SYTL5: variants seen among roughly 807,000 people sequenced by gnomAD.
The protein encoded by SYTL5 is synaptotagmin like 5.
In SYTL5, 34 loss-of-function variants were observed where a neutral mutation model predicts 55.9. The observed-to-expected ratio is 0.61, with a 90% CI of 0.46 to 0.81. The LOEUF (loss-of-function observed/expected upper bound fraction) is 0.81. Ranked by LOEUF, SYTL5 falls within the 30% of genes least tolerant of loss-of-function variation. The probability of loss-of-function intolerance (pLI) is 0.00; values close to 1 mark genes in which losing one functional copy is unlikely to be tolerated. For synonymous variants in SYTL5, 221 were observed against 188.7 expected (o/e 1.17, Z -1.40); for missense variants, 637 against 546.7 (o/e 1.17, Z -1.65).
intron 2 of SYTL5, among the ~76,000 whole-genome samples, chrX:38,035,768 G>A (rs1935086867): frequency 9.2e-6 from 1 of 109,097 alleles, no homozygotes; most frequent in Admixed American, 9.8e-5. Flanking sequence ...GGTGGTGCAC[G>A]CCTGTAGTCC....
the SYTL5 span, among the ~76,000 whole-genome samples, chrX:37,962,473 T>C: frequency 2.7e-5 from 3 of 112,255 alleles, no homozygotes; most frequent in Non-Finnish European, 5.6e-5. Context: ...CAGTCTATCA[T>C]TGATGGACAT....
chrX:38,020,893 A>G (rs1465626651), intron 1 of SYTL5, among the ~76,000 whole-genome samples: 1 of 112,028 alleles, frequency 8.9e-6, no homozygotes, highest in Non-Finnish European at 1.9e-5. Flanking sequence ...CCCATTTAAC[A>G]GATGAATAAA....
chrX:38,113,245 A>C (rs903422870), intron 13 of SYTL5, among the ~76,000 whole-genome samples: 2 of 112,405 alleles, frequency 1.8e-5, no homozygotes, highest in East Asian at 2.8e-4. Context: ...AGGTTTTATC[A>C]GTATGAATTG....
At chrX:38,120,270 C>T (rs1937555402) in intron 13 of SYTL5, 88 bp from the exon 14 acceptor site, 1 of 630,361 alleles carries the variant, frequency 1.6e-6, no homozygotes, top group Admixed American at 2.4e-5. Context: ...ATTTATGCCA[C>T]TAAGTAAATA....
intron 1 of SYTL5, among the ~76,000 whole-genome samples, chrX:38,007,608 A>G (rs770905042): frequency 4.5e-5 from 5 of 111,703 alleles, no homozygotes; most frequent in African/African-American, 1.6e-4. Context: ...AGTATTTTAA[A>G]CACAGGAATT....
chrX:38,101,964 AGT>A (rs200016789), intron 9 of SYTL5, among the ~76,000 whole-genome samples: 139 of 109,007 alleles, frequency 1.3e-3, no homozygotes, highest in Middle Eastern at 4.6e-3. Flanking sequence ...CCATCTTGGC[AGT>A]GTGTGTGTGT....
chrX:38,013,220 C>A (rs1934243510), intron 1 of SYTL5, among the ~76,000 whole-genome samples: 1 of 112,416 alleles, frequency 8.9e-6, no homozygotes, highest in South Asian at 3.7e-4. Flanking sequence ...ACACAACAAC[C>A]AAACAGCTAT....
At chrX:37,911,023 C>T in the SYTL5 span, among the ~76,000 whole-genome samples, 9 of 95,837 alleles carry the variant, frequency 9.4e-5, no homozygotes, top group African/African-American at 3.0e-4. Flanking sequence ...TAGAGTGCAG[C>T]GGCGCCATCT....
the SYTL5 span, among the ~76,000 whole-genome samples, chrX:37,960,175 G>A: frequency 9.0e-6 from 1 of 111,491 alleles, no homozygotes; most frequent in Non-Finnish European, 1.9e-5. Context: ...ATCTCCAAGA[G>A]TTTTTCTCCT....
intron 13 of SYTL5, among the ~76,000 whole-genome samples, chrX:38,117,076 A>G (rs1937507155): frequency 8.9e-6 from 1 of 112,234 alleles, no homozygotes. Flanking sequence ...TGAATTGAAT[A>G]TGATTGGATT....
chrX:38,010,988 G>T (rs1217737871), intron 1 of SYTL5, among the ~76,000 whole-genome samples: 2 of 111,189 alleles, frequency 1.8e-5, no homozygotes, highest in Admixed American at 1.9e-4. Context: ...GAGGTTAATT[G>T]GTAATTGGAC....
At chrX:37,905,868 C>A in the SYTL5 span, among the ~76,000 whole-genome samples, 1 of 112,916 alleles carries the variant, frequency 8.9e-6, no homozygotes, top group African/African-American at 3.2e-5. Flanking sequence ...CTGGCGCCGC[C>A]GCCTGGGGGC....
At chrX:37,976,006 G>A in the SYTL5 span, among the ~76,000 whole-genome samples, 2 of 111,805 alleles carry the variant, frequency 1.8e-5, no homozygotes, top group Admixed American at 9.5e-5. Context: ...TCAAAAACTT[G>A]CAGGGGGTGA....
At chrX:38,103,181 A>T (rs1449813506) in intron 10 of SYTL5, 1 of 652,153 alleles carries the variant, frequency 1.5e-6, no homozygotes, top group African/African-American at 2.2e-5. Flanking sequence ...TTTGTCCCAC[A>T]TTTATCTTTT....
At chrX:37,984,054 A>G in the SYTL5 span, among the ~76,000 whole-genome samples, 1 of 111,872 alleles carries the variant, frequency 8.9e-6, no homozygotes, top group Non-Finnish European at 1.9e-5. Flanking sequence ...AGGATCTCAA[A>G]TCAATAAATT....
At position 38,089,509 on chromosome X, in the gene SYTL5, T is replaced by C; in HGVS notation, c.753T>C (p.Ser251=). 8.3e-7 allele frequency: 1 copy of C among 1,210,687 alleles called. No individual in the cohort carries two copies. The highest frequency in any genetic ancestry group is 1.1e-6 in the Non-Finnish European group (1 of 895,089). ...QEPGPRTPKS[S]RSNGVTPGTQ... ...CTGGTCCTAGGACCCCGAAGAGCAG[T>C]CGGAGCAATGGTGTGACCCCAGGCA... Residue 251 remains serine (S), a synonymous_variant, in exon 7 of 17, where the codon AGT becomes AGC. Coordinates refer to ENST00000297875, the MANE Select transcript of SYTL5 (RefSeq NM_138780.3).
At chrX:37,977,015 A>G in the SYTL5 span, among the ~76,000 whole-genome samples, 250 of 111,595 alleles carry the variant, frequency 2.2e-3, no homozygotes, top group Non-Finnish European at 3.9e-3. Context: ...TCTTTTGTTT[A>G]CTAACATCAC....
chrX:37,918,946 AGTGT>A, the SYTL5 span, among the ~76,000 whole-genome samples: 112 of 105,088 alleles, frequency 1.1e-3, no homozygotes, highest in Middle Eastern at 4.8e-3. Context: ...AGTGTGAGTG[AGTGT>A]GTGTGTGTGT....
chrX:38,037,801 GAT>G, intron 2 of SYTL5, among the ~76,000 whole-genome samples: 1 of 108,002 alleles, frequency 9.3e-6, no homozygotes, highest in Non-Finnish European at 1.9e-5. Flanking sequence ...TAGATAGATA[GAT>G]AGATAGATAG....
Sources: gnomAD v4.1 joint callset for allele counts (sites outside exome capture counted in the v4.1 genomes callset) on GRCh38, gnomAD v4.1.1 for gene constraint, MANE v1.5 for transcripts, NCBI Gene and HGNC (gene_info 2026-07-23, HGNC 2026-07-21) for gene names.